Variants in EIF6 observed in about 807,000 individuals in gnomAD.
The protein encoded by EIF6 is B4 integrin interactor.
EIF6 carries 10 observed loss-of-function variants against 25.5 expected under a neutral mutation model. The ratio of observed to expected loss-of-function variants is 0.39; its 90% CI spans 0.24 to 0.66. The LOEUF (loss-of-function observed/expected upper bound fraction) is 0.66. Among genes scored for constraint, EIF6 ranks in the 30% least tolerant of loss-of-function variants. The pLI is 0.45. For missense variants in EIF6, 246 were observed against 315.4 expected (o/e 0.78, Z 1.67); for synonymous variants, 122 against 122.6 (o/e 1.00, Z 0.03).
rs367627779 is a variant in EIF6 at position 35,280,154 on chromosome 20, C to T, written c.370-36G>A. ...AAGATATTGTGTTCAGGGCTCAGAA[C>T]TTACAGCCCCAGAACCAAGGTTCTC... On this transcript the variant is annotated intron_variant, in intron 4 of 6. Coordinates refer to ENST00000374450, the MANE Select transcript of EIF6 (RefSeq NM_002212.4). The T allele has an allele frequency of 2.9e-5, 47 of 1,602,080 alleles. No individual in the cohort carries two copies. In the African/African-American group the frequency reaches 5.6e-4, roughly 19 times the overall value.
chr20:35,282,661 A>G (rs925376499), intron 3 of EIF6, among the ~76,000 whole-genome samples: 1 of 151,800 alleles, frequency 6.6e-6, no homozygotes, highest in Non-Finnish European at 1.5e-5. Flanking sequence ...CTGAAATGCA[A>G]TGGCACAATC....
intron 4 of EIF6, among the ~76,000 whole-genome samples, chr20:35,280,433 G>A (rs2060764171): frequency 6.6e-6 from 1 of 152,128 alleles, no homozygotes; most frequent in Non-Finnish European, 1.5e-5. Flanking sequence ...GGACTGGATG[G>A]TTCAATCTCC....
At position 35,283,375 on chromosome 20, in the gene EIF6, G is replaced by T. The variant is rs138361860; in HGVS notation, c.193+801C>A. ...AGGTAGGAAGGTAGGGTAGAGATGT[G>T]GTAAAGGGAATTTAAGATTCCAACG... is the stretch of plus-strand genomic sequence containing the variant. On this transcript the variant is annotated intron_variant, in intron 3 of 6. Transcript: ENST00000374450. Among the ~76,000 whole-genome samples the T allele has an allele frequency of 3.9e-5, 6 of 152,262 alleles. No homozygotes were observed. In the East Asian group the frequency reaches 1.2e-3, roughly 29 times the overall value.
chr20:35,281,392 A>C (rs150521790), intron 3 of EIF6, among the ~76,000 whole-genome samples: 13 of 150,768 alleles, frequency 8.6e-5, no homozygotes, highest in African/African-American at 3.2e-4. Flanking sequence ...TCTCCAAAAA[A>C]AAAAAACAAA....
intron 4 of EIF6, among the ~76,000 whole-genome samples, 153 bp downstream of exon 4, chr20:35,280,501 T>C (rs2060764833): frequency 6.6e-6 from 1 of 152,206 alleles, no homozygotes; most frequent in Non-Finnish European, 1.5e-5. Flanking sequence ...ATAAGGCCTC[T>C]GTTATCACTA....
chr20:35,284,697 C>G lies in EIF6; in HGVS notation c.-6+29G>C, dbSNP rs540477949. On this transcript the variant is annotated intron_variant, in intron 1 of 6. Coordinates refer to ENST00000374450, the MANE Select transcript of EIF6 (RefSeq NM_002212.4). The stretch of plus-strand genomic sequence containing the variant: ...CTCCCGACCCAGGACCGGAGCTGAC[C>G]CTCCCAGGTTCCCCTCACACCAGCT... 2.4e-4 allele frequency: 144 copies of G among 612,006 alleles called. 1 individual carries two copies. The highest frequency in any genetic ancestry group is 3.0e-4 in the African/African-American group (16 of 54,184). 37.9% of individuals were successfully genotyped at this position (612,006 alleles called of 1,614,324 possible).
intron 3 of EIF6, among the ~76,000 whole-genome samples, chr20:35,283,011 G>A (rs1387347135): frequency 6.6e-6 from 1 of 152,220 alleles, no homozygotes; most frequent in Non-Finnish European, 1.5e-5. Flanking sequence ...GAAAGGACCG[G>A]CCGGGCGCAG....
At chr20:35,281,471 A>C (rs913748138) in intron 3 of EIF6, among the ~76,000 whole-genome samples, 2 of 151,888 alleles carry the variant, frequency 1.3e-5, no homozygotes, top group Admixed American at 1.3e-4. Context: ...TTTAAGGCAG[A>C]GTCTCACTCT....
intron 3 of EIF6, 131 bp downstream of exon 3, chr20:35,284,045 G>A: frequency 8.3e-7 from 1 of 1,201,858 alleles, no homozygotes; most frequent in Non-Finnish European, 1.1e-6. Context: ...CTTGGCCTGA[G>A]AGATTCTATA....
In EIF6 at chr20:35,280,833, G is replaced by A. The variant is rs1470702166; in HGVS notation, c.194-4C>T. ...ACCAGGAGACCGTGCCTGTTCCCTG[G>A]AGAAACCCAAATTAGAGGGTGAATA... On this transcript the variant is annotated splice_polypyrimidine_tract_variant and splice_region_variant and intron_variant, in intron 3 of 6. Transcript: ENST00000374450. The A allele has an allele frequency of 6.2e-7, 1 of 1,613,544 alleles. No homozygotes were observed. Among genetic ancestry groups the A allele is most frequent in the Non-Finnish European group, 8.5e-7 (1 of 1,179,828 alleles).
chr20:35,282,722 GCCTCAGCCTCCCA>G (rs1350348182), intron 3 of EIF6, among the ~76,000 whole-genome samples: 1 of 151,382 alleles, frequency 6.6e-6, no homozygotes, highest in Non-Finnish European at 1.5e-5. Flanking sequence ...CAATTCTCCC[GCCTCAGCCTCCCA>G]AGTAGCTGGG....
At chr20:35,281,072 G>A (rs1281111414) in intron 3 of EIF6, among the ~76,000 whole-genome samples, 2 of 152,176 alleles carry the variant, frequency 1.3e-5, no homozygotes, top group Non-Finnish European at 2.9e-5. Flanking sequence ...GGCATTAGCT[G>A]TATATTTTGC....
In EIF6 at chr20:35,280,806, G is replaced by A. The variant is rs2060767840; in HGVS notation, c.217C>T (p.Pro73Ser). Residue 73 changes from proline to serine, a missense_variant, in exon 4 of 7, where the codon CCC becomes TCC. Physicochemically the swap from Pro to Ser is moderately conservative, Grantham distance 74. Coordinates refer to ENST00000374450, the MANE Select transcript of EIF6 (RefSeq NM_002212.4). ...CVGNRHGLLV[P>S]NNTTDQELQH... ...AGCTCCTGGTCGGTGGTATTGTTGG[G>A]TACCAGGAGACCGTGCCTGTTCCCT... The A allele has an allele frequency of 3.1e-6, 5 of 1,614,082 alleles. No homozygotes were observed. In the African/African-American group the frequency reaches 5.3e-5, roughly 17 times the overall value.
chr20:35,282,347 T>C (rs890097817), intron 3 of EIF6, among the ~76,000 whole-genome samples: 1 of 152,210 alleles, frequency 6.6e-6, no homozygotes, highest in African/African-American at 2.4e-5. Flanking sequence ...GTCGATGGAA[T>C]GGATGAATAC....
chr20:35,279,617 T>C lies in EIF6; in HGVS notation c.677A>G (p.Glu226Gly). ...GGTGGCAATGGTGCTAGGCTGGGCT[T>C]CATTCAGCTTGAAGACACTCTCCAC... ...SVVESVFKLN[E>G]AQPSTIATSM... The change falls in exon 6 of 7, where the codon GAA becomes GGA. Residue 226 changes from glutamate to glycine, a missense_variant. By Grantham distance (98) the Glu-to-Gly change is moderately conservative (BLOSUM62 -2). Coordinates refer to ENST00000374450, the MANE Select transcript of EIF6 (RefSeq NM_002212.4). 1 of 1,614,176 alleles carries C rather than the reference T, an allele frequency of 6.2e-7. No individual in the cohort carries two copies. Among genetic ancestry groups the C allele is most frequent in the Non-Finnish European group, 8.5e-7 (1 of 1,180,040 alleles).
At chr20:35,280,437 A>G (rs1262554731) in intron 4 of EIF6, among the ~76,000 whole-genome samples, 1 of 152,156 alleles carries the variant, frequency 6.6e-6, no homozygotes, top group Non-Finnish European at 1.5e-5. Flanking sequence ...TGGATGGTTC[A>G]ATCTCCCCAA....
intron 3 of EIF6, among the ~76,000 whole-genome samples, chr20:35,282,302 C>T (rs945375318): frequency 3.5e-4 from 53 of 152,134 alleles, no homozygotes; most frequent in African/African-American, 1.2e-3. Flanking sequence ...AGCACTATTC[C>T]TAACAGACCA....
chr20:35,284,147 C>A (rs775731423), intron 3 of EIF6, 29 bp downstream of exon 3: 1 of 1,558,384 alleles, frequency 6.4e-7, no homozygotes, highest in Non-Finnish European at 8.7e-7. Flanking sequence ...GAGACCACTC[C>A]CTCCCTCGGC....
chr20:35,284,523 C>CG (rs2060808457), intron 1 of EIF6, 31 bp from the exon 2 acceptor site: 1 of 1,567,796 alleles, frequency 6.4e-7, no homozygotes, highest in African/African-American at 1.4e-5. Context: ...AGTTCAAGGC[C>CG]GGCGGATCCT....
Sources: allele counts gnomAD v4.1 joint callset (sites outside exome capture counted in the v4.1 genomes callset), GRCh38; gene constraint gnomAD v4.1.1; transcripts MANE v1.5; gene names NCBI Gene and HGNC (gene_info 2026-07-23, HGNC 2026-07-21).